The following CMTM2 variants were observed in gnomAD, a reference collection of about 807,000 sequenced individuals.
CMTM2 encodes CKLF-like MARVEL transmembrane domain-containing protein 2.
CMTM2 carries 15 observed loss-of-function variants against 16.8 expected under a neutral mutation model. The ratio of observed to expected loss-of-function variants is 0.89; its 90% confidence interval spans 0.60 to 1.37. CMTM2 has a LOEUF of 1.37. Ranked by LOEUF, CMTM2 falls within the 40% of genes most tolerant of loss-of-function variation. The pLI is 0.00. For missense variants in CMTM2, 282 were observed against 318.0 expected (o/e 0.89, Z 0.86); for synonymous variants, 117 against 118.7 (o/e 0.99, Z 0.09).
intron 2 of CMTM2, among the ~76,000 whole-genome samples, chr16:66,584,021 G>T (rs919441413): frequency 1.3e-5 from 2 of 152,148 alleles, no homozygotes; most frequent in Non-Finnish European, 2.9e-5. Flanking sequence ...TTGGGGCCCT[G>T]ATCAAATAAG....
At chr16:66,583,049 T>C (rs769999095) in intron 2 of CMTM2, among the ~76,000 whole-genome samples, 1 of 152,026 alleles carries the variant, frequency 6.6e-6, no homozygotes, top group Non-Finnish European at 1.5e-5. Context: ...GGTATAGAGA[T>C]TGACAAGAGG....
rs752752134 is a variant in CMTM2 at position 66,580,050 on chromosome 16, C to A, written c.310C>A (p.Leu104Met). 5 of 1,614,192 alleles carry A rather than the reference C, an allele frequency of 3.1e-6. No homozygotes were observed. The East Asian group carries it at 1.1e-4, about 36-fold the overall frequency. The change falls in exon 2 of 4, where the codon CTG becomes ATG. Residue 104 changes from leucine (L) to methionine (M), a missense_variant. Coordinates refer to ENST00000268595, the MANE Select transcript of CMTM2 (RefSeq NM_144673.3). The stretch of plus-strand genomic sequence containing the variant: ...GGGCTGCCTAATAGCTGCAATGATA[C>A]TGTTGTCCTCACTCACCGTGCACCC... The part of the protein sequence containing the change: ...SLGCLIAAMI[L>M]LSSLTVHPIL...
At chr16:66,587,805 AG>A (rs1315766598) in intron 3 of CMTM2, 113 bp from the exon 4 acceptor site, 71 of 1,035,284 alleles carry the variant, frequency 6.9e-5, no homozygotes, top group Non-Finnish European at 9.4e-5. Flanking sequence ...TTGACATTTG[AG>A]GGGACATGGG....
intron 2 of CMTM2, chr16:66,580,490 G>A (rs2014713915): frequency 2.9e-6 from 1 of 341,594 alleles, no homozygotes; most frequent in Non-Finnish European, 5.4e-6. Context: ...GCAACCAGCT[G>A]TTCCTCCGAA....
chr16:66,585,039 C>G (rs548053833), intron 2 of CMTM2, among the ~76,000 whole-genome samples: 51 of 152,004 alleles, frequency 3.4e-4, no homozygotes, highest in African/African-American at 1.2e-3. Context: ...CTCTGCCTCC[C>G]GGGTTCAAGT....
rs1394261847 is a variant in CMTM2 at position 66,579,686 on chromosome 16, G to C, written c.79G>C (p.Asp27His). 6.2e-7 allele frequency: 1 copy of C among 1,614,114 alleles called. No individual in the cohort carries two copies. The highest frequency in any genetic ancestry group is 1.7e-5 in the Admixed American group (1 of 60,022). Residue 27 changes from aspartate to histidine, a missense_variant, in exon 1 of 4, where the codon GAC becomes CAC. Transcript: ENST00000268595. This position sits in a 1 kb window ranked among gnomAD's most constrained non-coding sequence, Gnocchi z 6.5. Reference protein sequence around the residue: ...PPPPGAKPEEDKKDGKEPSDK... With the variant: ...PPPPGAKPEEHKKDGKEPSDK... Reference sequence around the variant, plus strand: ...TCCACCCGGGGCCAAACCCGAGGAAGACAAGAAGGACGGTAAGGAGCCATC... The same window carrying C: ...TCCACCCGGGGCCAAACCCGAGGAACACAAGAAGGACGGTAAGGAGCCATC...
chr16:66,586,416 T>C (rs1013416916), intron 2 of CMTM2, among the ~76,000 whole-genome samples: 20 of 152,056 alleles, frequency 1.3e-4, no homozygotes, highest in African/African-American at 4.8e-4. Flanking sequence ...GGAAGGCAGA[T>C]CGCTTGAGTC....
intron 2 of CMTM2, among the ~76,000 whole-genome samples, chr16:66,583,695 T>C (rs1378873978): frequency 2.0e-5 from 3 of 152,184 alleles, no homozygotes; most frequent in African/African-American, 7.2e-5. Context: ...TCAATTCAAT[T>C]CTGAATTAAT....
At chr16:66,582,150 A>T (rs961413972) in intron 2 of CMTM2, among the ~76,000 whole-genome samples, 1 of 152,238 alleles carries the variant, frequency 6.6e-6, no homozygotes, top group South Asian at 2.1e-4. Flanking sequence ...ATTTTAAGGG[A>T]TTATAGACAT....
At chr16:66,584,929 G>T (rs2014775221) in intron 2 of CMTM2, among the ~76,000 whole-genome samples, 1 of 150,466 alleles carries the variant, frequency 6.6e-6, no homozygotes, top group African/African-American at 2.5e-5. Context: ...GGGAAGCCCT[G>T]CCTCTACAAA....
In CMTM2 at chr16:66,587,952, A is replaced by G. The variant is rs749899950; in HGVS notation, c.580A>G (p.Ile194Val). 1 of 1,614,122 alleles carries G rather than the reference A, an allele frequency of 6.2e-7. No individual in the cohort carries two copies. The highest frequency in any genetic ancestry group is 8.5e-7 in the Non-Finnish European group (1 of 1,179,980). Reference sequence around the variant, plus strand: ...TGGTGCGGCTGGAGTTTTTGCTTTTATCGATGTGTGTCTTCAAAGAAACCA... The same window carrying G: ...TGGTGCGGCTGGAGTTTTTGCTTTTGTCGATGTGTGTCTTCAAAGAAACCA... The part of the protein sequence containing the change: ...LIGAAGVFAF[I>V]DVCLQRNHFR... The change falls in exon 4 of 4, where the codon ATC becomes GTC. Residue 194 changes from isoleucine to valine, a missense_variant. Physicochemically the swap from Ile to Val is conservative, Grantham distance 29 (BLOSUM62 3). Coordinates refer to ENST00000268595, the MANE Select transcript of CMTM2 (RefSeq NM_144673.3).
chr16:66,581,958 G>A (rs953952758), intron 2 of CMTM2, among the ~76,000 whole-genome samples: 2 of 151,892 alleles, frequency 1.3e-5, no homozygotes, highest in Admixed American at 1.3e-4. Context: ...CACAATCAAG[G>A]CATGAAGAGA....
chr16:66,583,225 C>A (rs2014754823), intron 2 of CMTM2, among the ~76,000 whole-genome samples: 1 of 152,100 alleles, frequency 6.6e-6, no homozygotes. Context: ...GGCACGGGGG[C>A]TCACAGCTGT....
At chr16:66,582,828 C>T (rs1295230929) in intron 2 of CMTM2, among the ~76,000 whole-genome samples, 2 of 151,788 alleles carry the variant, frequency 1.3e-5, no homozygotes, top group Non-Finnish European at 1.5e-5. Flanking sequence ...GAGCCGAGAT[C>T]GTGCCACTGC....
At chr16:66,583,303 C>A (rs1172794961) in intron 2 of CMTM2, among the ~76,000 whole-genome samples, 1 of 152,072 alleles carries the variant, frequency 6.6e-6, no homozygotes, top group African/African-American at 2.4e-5. Flanking sequence ...ACCAGCCTGG[C>A]CAACATGGTG....
At chr16:66,584,225 C>T (rs759023388) in intron 2 of CMTM2, among the ~76,000 whole-genome samples, 1 of 152,110 alleles carries the variant, frequency 6.6e-6, no homozygotes, top group Non-Finnish European at 1.5e-5. Context: ...CTAGAGACAG[C>T]GTTTTGCCAT....
intron 2 of CMTM2, among the ~76,000 whole-genome samples, chr16:66,581,194 G>C (rs939886461): frequency 1.3e-5 from 2 of 151,732 alleles, no homozygotes; most frequent in Non-Finnish European, 2.9e-5. Flanking sequence ...GAGGACCTCC[G>C]ATACAGGGAG....
In CMTM2 at chr16:66,579,985, A is replaced by G; in HGVS notation, c.286-41A>G. On this transcript the variant is annotated intron_variant, in intron 1 of 3. Coordinates refer to ENST00000268595, the MANE Select transcript of CMTM2 (RefSeq NM_144673.3). The surrounding 1 kb of genome is among the most constrained non-coding windows in gnomAD (Gnocchi z 6.5). ...CAGGGGTCCTCAGAGAGATGGTGAAAGGCCCTTGCTGCTGGCTCAGGTGTC... is the reference window on the plus strand; with the variant it reads ...CAGGGGTCCTCAGAGAGATGGTGAAGGGCCCTTGCTGCTGGCTCAGGTGTC... 1.9e-6 allele frequency: 3 copies of G among 1,613,446 alleles called. No homozygotes were observed. In the East Asian group the frequency reaches 6.7e-5, roughly 36 times the overall value.
At chr16:66,581,164 G>C (rs2014732644) in intron 2 of CMTM2, among the ~76,000 whole-genome samples, 1 of 151,870 alleles carries the variant, frequency 6.6e-6, no homozygotes. Context: ...CAGGGATCCA[G>C]AGGTCTTGGT....
Sources: allele counts gnomAD v4.1 joint callset (sites outside exome capture counted in the v4.1 genomes callset), GRCh38; gene constraint gnomAD v4.1.1; non-coding constraint Gnocchi (gnomAD v3.1); transcripts MANE v1.5; gene names NCBI Gene and HGNC (gene_info 2026-07-23, HGNC 2026-07-21).